IGFN1: variants seen among roughly 807,000 people sequenced by gnomAD.
The protein encoded by IGFN1 is immunoglobulin-like and fibronectin type III domain-containing protein 1.
A neutral mutation model predicts 289.5 loss-of-function variants in IGFN1; 253 were observed. The ratio of observed to expected loss-of-function variants is 0.87; its 90% CI spans 0.79 to 0.97. The LOEUF (loss-of-function observed/expected upper bound fraction) is 0.97. IGFN1 is among the 50% of genes least tolerant of loss of function. The pLI is 0.00. For missense variants in IGFN1, 4,470 were observed against 4,686.1 expected (o/e 0.95, Z 1.35); for synonymous variants, 1,706 against 1,788.5 (o/e 0.95, Z 1.16).
In IGFN1 at chr1:201,209,448, T is replaced by A. The variant is rs766947429; in HGVS notation, c.4555T>A (p.Ser1519Thr). 7 of 1,532,592 alleles carry A rather than the reference T, an allele frequency of 4.6e-6. No homozygotes were observed. The African/African-American group carries it at 7.0e-5, about 15-fold the overall frequency. 94.9% of individuals were successfully genotyped at this position (1,532,592 alleles called of 1,614,324 possible). A position where few individuals can be genotyped will look rare whatever the true frequency, so the allele number is the denominator to read the frequency against. The change falls in exon 12 of 24, where the codon TCT becomes ACT. Residue 1519 changes from serine to threonine, a missense_variant. Around this residue, in one of 8 missense-constraint regions of IGFN1, gnomAD observed 2,011 missense variants for 1,953.4 expected, o/e 1.03. Transcript: ENST00000335211. ...AGCAGGTTATAGGGGTGGCTTAGGT[T>A]CTGGGGAAATGGGGTCTGTGGATAA... is the stretch of plus-strand genomic sequence containing the variant. ...SKAGYRGGLG[S>T]GEMGSVDKAG...
intron 3 of IGFN1, 21 bp downstream of exon 3, chr1:201,194,294 C>T (rs529127329): frequency 2.9e-5 from 45 of 1,550,060 alleles, no homozygotes; most frequent in African/African-American, 9.6e-5. Context: ...AGGGGAGCTG[C>T]GGAGGGGAGG....
rs971111623 is a variant in IGFN1, at chr1:201,205,209, C to T, written c.1044C>T (p.Leu348=). ...CCTGGCATTTCCGGCACCGGCTACT[C>T]CACCCCAGTGACAAATATGAAGTGT... ...SAAWHFRHRL[L]HPSDKYEVYV... The change falls in exon 11 of 24, where the codon CTC becomes CTT. Residue 348 remains leucine, a synonymous_variant. Transcript: ENST00000335211. 1.3e-6 allele frequency: 2 copies of T among 1,551,104 alleles called. No homozygotes were observed. The highest frequency in any genetic ancestry group is 2.7e-5 in the African/African-American group (2 of 73,034).
At position 201,213,549 on chromosome 1, in the gene IGFN1, A is replaced by G. The variant is rs770190379; in HGVS notation, c.8656A>G (p.Arg2886Gly). 3.7e-6 allele frequency: 6 copies of G among 1,613,808 alleles called. No homozygotes were observed. In the African/African-American group the frequency reaches 4.0e-5, roughly 11 times the overall value. Residue 2886 changes from arginine (R) to glycine (G), a missense_variant, in exon 12 of 24, where the codon AGG becomes GGG. This residue lies in a region of IGFN1 where 2,218 missense variants were observed against 2,114.1 expected (regional missense o/e 1.05). Coordinates refer to ENST00000335211, the MANE Select transcript of IGFN1 (RefSeq NM_001164586.2). ...KDGRLDIYGE[R>G]RDATRSSTSR... ...CGGCAGGTTGGACATCTATGGAGAGAGGAGAGATGCTACCCGGAGTTCCAC... is the reference window on the plus strand; with the variant it reads ...CGGCAGGTTGGACATCTATGGAGAGGGGAGAGATGCTACCCGGAGTTCCAC...
chr1:201,214,225 C>A lies in IGFN1; in HGVS notation c.8777C>A (p.Pro2926Gln), dbSNP rs200414774. 6.2e-7 allele frequency: 1 copy of A among 1,613,340 alleles called. No individual in the cohort carries two copies. Among genetic ancestry groups the A allele is most frequent in the East Asian group, 2.2e-5 (1 of 44,848 alleles). The change falls in exon 13 of 24, where the codon CCG (proline) becomes CAG (glutamine). Residue 2926 changes from proline to glutamine, a missense_variant. Pro to Gln is a moderately conservative substitution (Grantham distance 76). Coordinates refer to ENST00000335211, the MANE Select transcript of IGFN1 (RefSeq NM_001164586.2). ...SQGLADMEVQ[P>Q]GEAATLSCTL... Reference sequence around the variant, plus strand: ...GGCCTGGCTGACATGGAAGTGCAGCCGGGGGAGGCCGCCACACTCTCCTGT... The same window carrying A: ...GGCCTGGCTGACATGGAAGTGCAGCAGGGGGAGGCCGCCACACTCTCCTGT...
At position 201,228,859 on chromosome 1, in the gene IGFN1, G is replaced by A. The variant is rs1571506679; in HGVS notation, c.*460G>A. The stretch of plus-strand genomic sequence containing the variant: ...GCATCAAGGTCGTGTGTGTGGGTGG[G>A]GGCAGCCTCCACCTCCTGGATTCAA... On this transcript the variant is annotated 3_prime_UTR_variant, in exon 24 of 24. Coordinates refer to ENST00000335211, the MANE Select transcript of IGFN1 (RefSeq NM_001164586.2). 1 of 164,712 alleles carries A rather than the reference G, an allele frequency of 6.1e-6. No homozygotes were observed. 10.2% of individuals were successfully genotyped at this position (164,712 alleles called of 1,614,324 possible).
In IGFN1 at chr1:201,197,264, C is replaced by T; in HGVS notation, c.314C>T (p.Ala105Val). 1 of 1,551,618 alleles carries T rather than the reference C, an allele frequency of 6.4e-7. No homozygotes were observed. The highest frequency in any genetic ancestry group is 8.7e-7 in the Non-Finnish European group (1 of 1,146,910). Residue 105 changes from alanine (A) to valine (V), a missense_variant, in exon 5 of 24, where the codon GCA becomes GTA. Ala to Val is a moderately conservative substitution (Grantham distance 64, BLOSUM62 0). This residue lies in a region of IGFN1 where 2,011 missense variants were observed against 1,953.4 expected (regional missense o/e 1.03). Coordinates refer to ENST00000335211, the MANE Select transcript of IGFN1 (RefSeq NM_001164586.2). Reference sequence around the variant, plus strand: ...GACACGGATCTGTACCGCTGCACAGCAGTAAATGCGTACGGAGAGGCCGCT... The same window carrying T: ...GACACGGATCTGTACCGCTGCACAGTAGTAAATGCGTACGGAGAGGCCGCT... ...GEDTDLYRCT[A>V]VNAYGEAACS...
At chr1:201,224,616 G>A in intron 20 of IGFN1, 63 bp from the exon 21 acceptor site, 4 of 1,424,252 alleles carry the variant, frequency 2.8e-6, no homozygotes, top group Non-Finnish European at 3.9e-6. Context: ...TAGCTTAAAT[G>A]CCATCACCTC....
chr1:201,207,591 G>A lies in IGFN1; in HGVS notation c.2698G>A (p.Gly900Arg), dbSNP rs1441736467. 1.3e-6 allele frequency: 2 copies of A among 1,536,998 alleles called. No individual in the cohort carries two copies. The highest frequency in any genetic ancestry group is 1.7e-6 in the Non-Finnish European group (2 of 1,146,872). The change falls in exon 12 of 24, where the codon GGA becomes AGA. Residue 900 changes from glycine to arginine, a missense_variant. Physicochemically the swap from Gly to Arg is moderately radical, Grantham distance 125. Transcript: ENST00000335211. ...TAGGGCTCCAGGCCTGGGTGCTCAG[G>A]GATCTGGGGGGACACTAGGAGATAA... ...LSRAPGLGAQ[G>R]SGGTLGDKKG... is the part of the protein sequence containing the mutation.
chr1:201,207,159 G>A lies in IGFN1; in HGVS notation c.2266G>A (p.Ala756Thr). ...CAAAGCTGAAGACTCACTGCAGGAGGCAGATGGTATATGCCGGGGGGAGTC... is the reference window on the plus strand; with the variant it reads ...CAAAGCTGAAGACTCACTGCAGGAGACAGATGGTATATGCCGGGGGGAGTC... ...EIKAEDSLQE[A>T]DGICRGESVV... is the part of the protein sequence containing the mutation. The change falls in exon 12 of 24, where the codon GCA becomes ACA. Residue 756 changes from alanine to threonine, a missense_variant. Ala to Thr is a moderately conservative substitution (Grantham distance 58). Coordinates refer to ENST00000335211, the MANE Select transcript of IGFN1 (RefSeq NM_001164586.2). 1 of 1,537,038 alleles carries A rather than the reference G, an allele frequency of 6.5e-7. No homozygotes were observed. The highest frequency in any genetic ancestry group is 8.7e-7 in the Non-Finnish European group (1 of 1,146,884).
chr1:201,198,115 C>T (rs1666992977), intron 5 of IGFN1, among the ~76,000 whole-genome samples: 1 of 152,108 alleles, frequency 6.6e-6, no homozygotes, highest in East Asian at 1.9e-4. Context: ...GGCCCAGGTC[C>T]ATCTGCCTCT....
chr1:201,227,105 C>T lies in IGFN1; in HGVS notation c.11010C>T (p.Ser3670=). The T allele has an allele frequency of 6.2e-7, 1 of 1,613,576 alleles. No homozygotes were observed. The highest frequency in any genetic ancestry group is 1.1e-5 in the South Asian group (1 of 91,086). ...VYSTDLLGVC[S]LTIPSVSPKD... ...GCACTGACCTGCTGGGCGTGTGCTC[C>T]CTCACCATCCCCAGCGTATCCCCGA... is the stretch of plus-strand genomic sequence containing the variant. The change falls in exon 23 of 24, where the codon TCC becomes TCT. Residue 3670 remains serine (S), a synonymous_variant. Transcript: ENST00000335211.
rs1653287179 is a variant in IGFN1 at position 201,216,394 on chromosome 1, G to A, written c.9296-60G>A. The stretch of plus-strand genomic sequence containing the variant: ...GTGGCGGGGAGTTGGGGGGGTTGGC[G>A]CTGCTCCCCTCCAGCTCCTCTGACC... On this transcript the variant is annotated intron_variant, in intron 15 of 23. Coordinates refer to ENST00000335211, the MANE Select transcript of IGFN1 (RefSeq NM_001164586.2). The A allele has an allele frequency of 5.1e-6, 7 of 1,382,424 alleles. No homozygotes were observed. The South Asian group carries it at 1.0e-4, about 20-fold the overall frequency. The allele number at this position is 1,382,424 out of a possible 1,614,324, so 85.6% of individuals were successfully genotyped here.
At chr1:201,192,161 G>A (rs1393447224) in intron 1 of IGFN1, among the ~76,000 whole-genome samples, 2 of 152,014 alleles carry the variant, frequency 1.3e-5, no homozygotes, top group Non-Finnish European at 2.9e-5. Flanking sequence ...AGCACGCTAG[G>A]GTGCAGCGGC....
rs1558139209 is a variant in IGFN1, at chr1:201,205,246, G to C, written c.1081G>C (p.Asp361His). ...SDKYEVYVSP[D>H]GLTHRLVVRG... ...CAAATATGAAGTGTATGTGTCCCCT[G>C]ACGGGCTGACCCACCGGCTGGTGGT... The change falls in exon 11 of 24, where the codon GAC becomes CAC. Residue 361 changes from aspartate to histidine, a missense_variant. Physicochemically the swap from Asp to His is moderately conservative, Grantham distance 81. This residue lies in a region of IGFN1 where 2,011 missense variants were observed against 1,953.4 expected (regional missense o/e 1.03). Coordinates refer to ENST00000335211, the MANE Select transcript of IGFN1 (RefSeq NM_001164586.2). 5 of 1,550,962 alleles carry C rather than the reference G, an allele frequency of 3.2e-6. No individual in the cohort carries two copies. Among genetic ancestry groups the C allele is most frequent in the Non-Finnish European group, 4.4e-6 (5 of 1,146,944 alleles).
chr1:201,215,181 CCCTGT>C (rs1202391989), intron 14 of IGFN1, 27 bp downstream of exon 14: 3 of 1,595,582 alleles, frequency 1.9e-6, no homozygotes, highest in South Asian at 2.3e-5. Flanking sequence ...CCCTGCCCTG[CCCTGT>C]CCTGTCCCAC....
Position 201,206,531 on chromosome 1 carries a change from C to G in IGFN1, c.1638C>G (p.Asp546Glu). 2 of 1,551,146 alleles carry G rather than the reference C, an allele frequency of 1.3e-6. No individual in the cohort carries two copies. The highest frequency in any genetic ancestry group is 1.7e-6 in the Non-Finnish European group (2 of 1,146,994). ...AACAACAGCAAGATCGTGGCAGAGACAGCAACAGTGATGAATGCTGGAGGA... is the reference window on the plus strand; with the variant it reads ...AACAACAGCAAGATCGTGGCAGAGAGAGCAACAGTGATGAATGCTGGAGGA... ...PEKQQQDRGRDSNSDECWRKA... is the reference protein window; with the variant it reads ...PEKQQQDRGRESNSDECWRKA... Residue 546 changes from aspartate (D) to glutamate (E), a missense_variant, in exon 12 of 24, where the codon GAC becomes GAG. This residue lies in a region of IGFN1 where 2,011 missense variants were observed against 1,953.4 expected (regional missense o/e 1.03). Transcript: ENST00000335211.
intron 10 of IGFN1, among the ~76,000 whole-genome samples, chr1:201,204,441 G>A (rs1003866628): frequency 1.3e-5 from 2 of 152,202 alleles, no homozygotes; most frequent in African/African-American, 4.8e-5. Context: ...CCAGCTCAAG[G>A]GGGTTCTTGA....
chr1:201,224,384 C>T (rs1653944078), intron 20 of IGFN1, among the ~76,000 whole-genome samples: 1 of 152,140 alleles, frequency 6.6e-6, no homozygotes, highest in Admixed American at 6.5e-5. Flanking sequence ...AGGATAATGT[C>T]CAGATGTCTG....
In IGFN1 at chr1:201,212,544, C is replaced by G; in HGVS notation, c.7651C>G (p.Arg2551Gly). 1 of 1,549,058 alleles carries G rather than the reference C, an allele frequency of 6.5e-7. No individual in the cohort carries two copies. The highest frequency in any genetic ancestry group is 8.7e-7 in the Non-Finnish European group (1 of 1,146,800). Residue 2551 changes from arginine to glycine, a missense_variant, in exon 12 of 24, where the codon CGG becomes GGG. By Grantham distance (125) the Arg-to-Gly change is moderately radical. This residue lies in a region of IGFN1 where 2,218 missense variants were observed against 2,114.1 expected (regional missense o/e 1.05). Transcript: ENST00000335211. The part of the protein sequence containing the change: ...GMAALGSGYE[R>G]DIWKAGPGMT... ...GGCTGCTCTAGGGTCTGGATATGAA[C>G]GGGACATCTGGAAAGCAGGCCCAGG...
Sources: gnomAD v4.1 joint callset for allele counts (sites outside exome capture counted in the v4.1 genomes callset) on GRCh38, gnomAD v4.1.1 for gene constraint, gnomAD v4.1.1 regional missense constraint, MANE v1.5 for transcripts, NCBI Gene and HGNC (gene_info 2026-07-23, HGNC 2026-07-21) for gene names.